The following SPG11 variants were observed in gnomAD, a reference collection of about 807,000 sequenced individuals.
The protein encoded by SPG11 is SPG11 vesicle trafficking associated, spatacsin.
SPG11 carries 222 observed loss-of-function variants against 274.0 expected under a neutral mutation model. That is an observed-to-expected ratio of 0.81 (90% CI 0.73 to 0.91). SPG11 has a LOEUF of 0.91. Among genes scored for constraint, SPG11 ranks in the 40% least tolerant of loss-of-function variants. The pLI is 0.00. For missense variants in SPG11, 3,114 were observed against 2,872.7 expected (o/e 1.08, Z -1.92); for synonymous variants, 1,144 against 1,039.7 (o/e 1.10, Z -1.93).
In SPG11 at chr15:44,564,665, G is replaced by A. The variant is rs769744096; in HGVS notation, c.7033C>T (p.Pro2345Ser). 4 of 1,614,100 alleles carry A rather than the reference G, an allele frequency of 2.5e-6. No homozygotes were observed. In the South Asian group the frequency reaches 3.3e-5, roughly 13 times the overall value. ...TGGTATAAAATTTCAGCCCAATCTG[G>A]AACAAAATCGTAGGCCTCAGCCACA... is the stretch of plus-strand genomic sequence containing the variant. The part of the protein sequence containing the change: ...SIVAEAYDFV[P>S]DWAEILYQQV... The change falls in exon 39 of 40, where the codon CCA (proline) becomes TCA (serine). Residue 2345 changes from proline to serine, a missense_variant. By Grantham distance (74) the Pro-to-Ser change is moderately conservative. Transcript: ENST00000261866.
rs312262717 is a variant in SPG11, at chr15:44,659,103, CA to C, written c.642del (p.Phe214LeufsTer3). 1 of 1,614,176 alleles carries C rather than the reference CA, an allele frequency of 6.2e-7. No individual in the cohort carries two copies. Among genetic ancestry groups the C allele is most frequent in the Non-Finnish European group, 8.5e-7 (1 of 1,180,016 alleles). ...IDTQLCRGILFVLSSLGWIYI... is the reference protein window; with the variant it reads ...IDTQLCRGILXVLSSLGWIYI... ...CAGATCCAGCCTAAACTACTCAAAA[CA>C]AAAAGAATTCCTCTGCAGAGCTGCG... On this transcript the variant is annotated frameshift_variant, in exon 3 of 40. Coordinates refer to ENST00000261866, the MANE Select transcript of SPG11 (RefSeq NM_025137.4). LOFTEE classifies it high-confidence loss of function.
At chr15:44,649,395 A>C (rs1278739716) in intron 6 of SPG11, among the ~76,000 whole-genome samples, 1 of 152,124 alleles carries the variant, frequency 6.6e-6, no homozygotes, top group Non-Finnish European at 1.5e-5. Context: ...CTAATTTAAA[A>C]AAATTTTTAA....
chr15:44,576,993 A>AT (rs1341474638), intron 30 of SPG11, among the ~76,000 whole-genome samples: 2 of 151,762 alleles, frequency 1.3e-5, no homozygotes, highest in Admixed American at 6.6e-5. Flanking sequence ...CGCCCAGCTA[A>AT]TTTTTTGTAT....
intron 26 of SPG11, among the ~76,000 whole-genome samples, chr15:44,593,974 T>C (rs1211623919): frequency 1.3e-5 from 2 of 150,720 alleles, no homozygotes; most frequent in Admixed American, 6.6e-5. Flanking sequence ...TTTGCCATGT[T>C]GGCCAGGCTC....
Position 44,622,134 on chromosome 15 carries a change from T to C in SPG11, c.2444+86A>G, listed in dbSNP as rs1595890964. 6.8e-6 allele frequency: 10 copies of C among 1,463,826 alleles called. No homozygotes were observed. In the East Asian group the frequency reaches 2.3e-4, roughly 33 times the overall value. The allele number at this position is 1,463,826 out of a possible 1,614,324, so 90.7% of individuals were successfully genotyped here. A position where few individuals can be genotyped will look rare whatever the true frequency, so the allele number is the denominator to read the frequency against. ...AGGAGAATGCAGGCTCAGTTCCACA[T>C]AAGAAACTTGTGTTCACTAACAACT... On this transcript the variant is annotated intron_variant, in intron 13 of 39. Transcript: ENST00000261866.
At position 44,663,376 on chromosome 15, in the gene SPG11, T is replaced by C. The variant is rs538988623; in HGVS notation, c.257+15A>G. ...CTGGACTCCCCCAACGGCCCAACTC[T>C]CCCTCAGCACTTACTGCCAGAAGGG... is the stretch of plus-strand genomic sequence containing the variant. On this transcript the variant is annotated intron_variant, in intron 1 of 39. Transcript: ENST00000261866. 1.2e-5 allele frequency: 20 copies of C among 1,604,362 alleles called. No individual in the cohort carries two copies. The highest frequency in any genetic ancestry group is 1.5e-5 in the Non-Finnish European group (18 of 1,176,282).
intron 26 of SPG11, 119 bp downstream of exon 26, chr15:44,595,140 T>A (rs2083001799): frequency 3.0e-6 from 3 of 985,462 alleles, no homozygotes; most frequent in Admixed American, 4.1e-5. Context: ...TCTAATATTA[T>A]CATCATTATC....
At chr15:44,568,425 T>TTC (rs2082351619) in intron 35 of SPG11, among the ~76,000 whole-genome samples, 1 of 152,194 alleles carries the variant, frequency 6.6e-6, no homozygotes, top group Non-Finnish European at 1.5e-5. Context: ...TTTTTCTGCT[T>TTC]TCTCTCTTAA....
rs527806518 is a variant in SPG11, at chr15:44,662,650, TAAAA to T, written c.257+737_257+740del. On this transcript the variant is annotated intron_variant, in intron 1 of 39. Transcript: ENST00000261866. ...GCCTGGGCGACAGCGACCTTATCTT[TAAAA>T]AAAAAAAAAAAAAAAAAAAAGCAGC... Among the ~76,000 whole-genome samples the T allele has an allele frequency of 8.6e-3, 785 of 91,178 alleles. 4 individuals are homozygous for T. Among genetic ancestry groups the T allele is most frequent in the Non-Finnish European group, 0.013 (586 of 45,060 alleles). 59.8% of individuals were successfully genotyped at this position (91,178 alleles called of 152,430 possible).
intron 26 of SPG11, among the ~76,000 whole-genome samples, chr15:44,594,261 C>T (rs561211269): frequency 1.3e-5 from 2 of 151,184 alleles, no homozygotes; most frequent in African/African-American, 2.4e-5. Flanking sequence ...CCCGTCTCTA[C>T]TAAAAATACA....
intron 7 of SPG11, among the ~76,000 whole-genome samples, chr15:44,640,625 A>G (rs1353074984): frequency 6.6e-6 from 1 of 152,258 alleles, no homozygotes; most frequent in Non-Finnish European, 1.5e-5. Flanking sequence ...TGGCCTAAGG[A>G]AAGACCTATG....
intron 21 of SPG11, 68 bp from the exon 22 acceptor site, chr15:44,598,904 G>C: frequency 6.8e-7 from 1 of 1,479,454 alleles, no homozygotes; most frequent in South Asian, 1.2e-5. Flanking sequence ...AAAGCAAATG[G>C]AATTAAATCA....
chr15:44,661,828 A>G (rs2085117067), intron 1 of SPG11, among the ~76,000 whole-genome samples: 1 of 152,228 alleles, frequency 6.6e-6, no homozygotes, highest in Admixed American at 6.5e-5. Context: ...AGACCTATGT[A>G]CTTTGAAAAA....
chr15:44,657,278 T>G lies in SPG11; in HGVS notation c.686A>C (p.Asp229Ala). 1 of 1,614,196 alleles carries G rather than the reference T, an allele frequency of 6.2e-7. No individual in the cohort carries two copies. The highest frequency in any genetic ancestry group is 1.3e-5 in the African/African-American group (1 of 75,068). Reference sequence around the variant, plus strand: ...ATCCACATGAGCTACATATGTACCATCCACAACATCAAAAATGTCTTTTAG... The same window carrying G: ...ATCCACATGAGCTACATATGTACCAGCCACAACATCAAAAATGTCTTTTAG... Reference protein sequence around the residue: ...LGWIYIFDVVDGTYVAHVDLA... With the variant: ...LGWIYIFDVVAGTYVAHVDLA... The change falls in exon 4 of 40, where the codon GAT becomes GCT. Residue 229 changes from aspartate (D) to alanine (A), a missense_variant. Asp to Ala is a moderately radical substitution (Grantham distance 126). Coordinates refer to ENST00000261866, the MANE Select transcript of SPG11 (RefSeq NM_025137.4).
At chr15:44,628,189 T>C (rs963227567) in intron 10 of SPG11, among the ~76,000 whole-genome samples, 2 of 152,204 alleles carry the variant, frequency 1.3e-5, no homozygotes, top group South Asian at 2.1e-4. Context: ...GGCAAACAGA[T>C]GGAAACAAAT....
intron 20 of SPG11, among the ~76,000 whole-genome samples, chr15:44,605,274 T>C (rs2083290912): frequency 6.6e-6 from 1 of 152,218 alleles, no homozygotes; most frequent in African/African-American, 2.4e-5. Flanking sequence ...ACATCTACTG[T>C]AGGCTTGGCA....
chr15:44,653,090 T>C (rs980752756), intron 4 of SPG11, among the ~76,000 whole-genome samples: 4 of 152,006 alleles, frequency 2.6e-5, no homozygotes, highest in African/African-American at 4.8e-5. Context: ...GGGTGGCTAA[T>C]GTACAGAAAA....
rs758982525 is a variant in SPG11, at chr15:44,610,910, C to G, written c.3221G>C (p.Ser1074Thr). Residue 1074 changes from serine to threonine, a missense_variant, in exon 18 of 40, where the codon AGT becomes ACT. Coordinates refer to ENST00000261866, the MANE Select transcript of SPG11 (RefSeq NM_025137.4). ...GAGGGTATGTCCTTCCAATAGCATA[C>G]TGCTTACACTGGCCTGATTGGTGGG... is the stretch of plus-strand genomic sequence containing the variant. ...LIPTNQASVS[S>T]MLLEGHTLLA... is the part of the protein sequence containing the mutation. 21 of 1,613,740 alleles carry G rather than the reference C, an allele frequency of 1.3e-5. No individual in the cohort carries two copies. The highest frequency in any genetic ancestry group is 1.5e-5 in the Non-Finnish European group (18 of 1,179,924).
At chr15:44,635,994 C>T (rs2084238277) in intron 7 of SPG11, among the ~76,000 whole-genome samples, 1 of 151,890 alleles carries the variant, frequency 6.6e-6, no homozygotes, top group South Asian at 2.1e-4. Flanking sequence ...GAGAATTTGT[C>T]AAGCTGTGGA....
Sources: allele counts gnomAD v4.1 joint callset (sites outside exome capture counted in the v4.1 genomes callset), GRCh38; gene constraint gnomAD v4.1.1; transcripts MANE v1.5; gene names NCBI Gene and HGNC (gene_info 2026-07-23, HGNC 2026-07-21).